Variants in PPP6C observed in about 807,000 individuals in gnomAD.
PPP6C encodes the protein serine/threonine-protein phosphatase 6 catalytic subunit.
A neutral mutation model predicts 39.8 loss-of-function variants in PPP6C; 11 were observed. The ratio of observed to expected loss-of-function variants is 0.28; its 90% CI spans 0.17 to 0.46. The LOEUF is 0.46. PPP6C is among the 20% of genes least tolerant of loss of function. PPP6C has a pLI of 1.00. For synonymous variants in PPP6C, 129 were observed against 130.3 expected (o/e 0.99, Z 0.07); for missense variants, 211 against 373.9 (o/e 0.56, Z 3.59).
At chr9:125,162,350 T>G (rs535383326) in intron 2 of PPP6C, among the ~76,000 whole-genome samples, 1 of 146,186 alleles carries the variant, frequency 6.8e-6, no homozygotes, top group Non-Finnish European at 1.5e-5. Context: ...CCCAGCTACC[T>G]GGGAGGCTGA....
chr9:125,151,203 G>A (rs1466873557), intron 6 of PPP6C: 29 of 1,502,060 alleles, frequency 1.9e-5, no homozygotes, highest in Non-Finnish European at 3.7e-6. Context: ...GGCTGAATGT[G>A]GACTTTGCCT....
At position 125,189,756 on chromosome 9, in the gene PPP6C, G is replaced by T. The variant is rs372110106; in HGVS notation, c.-38C>A. 1.6e-5 allele frequency: 24 copies of T among 1,545,976 alleles called. No individual in the cohort carries two copies. In the African/African-American group the frequency reaches 2.7e-4, roughly 17 times the overall value. On this transcript the variant is annotated 5_prime_UTR_variant, in exon 1 of 7. Coordinates refer to ENST00000373547, the MANE Select transcript of PPP6C (RefSeq NM_002721.5). ...AAGCCGCGGCAACAGCGGCGGCGGCGGCTGTAGCAGCGGCGGCGGCAGCGG... is the reference window on the plus strand; with the variant it reads ...AAGCCGCGGCAACAGCGGCGGCGGCTGCTGTAGCAGCGGCGGCGGCAGCGG...
chr9:125,189,529 G>A (rs535756406), intron 1 of PPP6C, 115 bp downstream of exon 1: 4 of 1,528,114 alleles, frequency 2.6e-6, no homozygotes, highest in East Asian at 4.8e-5. Context: ...ACTGGCAATG[G>A]GGGAGGCCCT....
At chr9:125,169,733 C>T (rs1829101105) in intron 2 of PPP6C, among the ~76,000 whole-genome samples, 1 of 152,090 alleles carries the variant, frequency 6.6e-6, no homozygotes, top group Admixed American at 6.6e-5. Flanking sequence ...AGAGAAGTTA[C>T]ATGGAAATTT....
chr9:125,188,981 G>A (rs1361131330), intron 1 of PPP6C: 1 of 1,508,810 alleles, frequency 6.6e-7, no homozygotes, highest in African/African-American at 1.4e-5. Flanking sequence ...GAAAGTATTT[G>A]TATTTATTGA....
At chr9:125,174,273 A>G (rs1466560230) in intron 1 of PPP6C, among the ~76,000 whole-genome samples, 1 of 152,178 alleles carries the variant, frequency 6.6e-6, no homozygotes, top group East Asian at 1.9e-4. Context: ...TTACAGCTAC[A>G]ACAATAGCTA....
rs7851023 is a variant in PPP6C, at chr9:125,164,973, G to A, written c.172-4067C>T. ...AGGATGGTCTTGATCTCTTGACCTCGTGATCCGCCCGCCTCGGCCTCCCAC... is the reference window on the plus strand; with the variant it reads ...AGGATGGTCTTGATCTCTTGACCTCATGATCCGCCCGCCTCGGCCTCCCAC... On this transcript the variant is annotated intron_variant, in intron 2 of 6. Coordinates refer to ENST00000373547, the MANE Select transcript of PPP6C (RefSeq NM_002721.5). 9.5e-3 allele frequency among the ~76,000 whole-genome samples: 1,441 copies of A among 152,050 alleles called. 21 individuals are homozygous for A. Among genetic ancestry groups the A allele is most frequent in the African/African-American group, 0.033 (1,356 of 41,512 alleles).
chr9:125,176,545 T>A (rs1451056020), intron 1 of PPP6C, among the ~76,000 whole-genome samples: 1 of 152,258 alleles, frequency 6.6e-6, no homozygotes, highest in South Asian at 2.1e-4. Flanking sequence ...AAGTCCCAGA[T>A]ACTTGGAAGG....
At position 125,153,983 on chromosome 9, in the gene PPP6C, C is replaced by G. The variant is rs1836010519; in HGVS notation, c.382G>C (p.Glu128Gln). ...GCATTTCCATATTTGGTTTGGCACT[C>G]ATCTGTGAAAGAAACAGAAGGGTTT... ...QITQVYGFYD[E>Q]CQTKYGNANA... Residue 128 changes from glutamate (E) to glutamine (Q), a missense_variant and splice_region_variant, in exon 5 of 7, where the codon GAG (glutamate) becomes CAG (glutamine). Glu to Gln is a conservative substitution (Grantham distance 29). Around this residue, in one of 2 missense-constraint regions of PPP6C, gnomAD observed 168 missense variants for 342.6 expected, o/e 0.49. Coordinates refer to ENST00000373547, the MANE Select transcript of PPP6C (RefSeq NM_002721.5). 1 of 1,602,738 alleles carries G rather than the reference C, an allele frequency of 6.2e-7. No individual in the cohort carries two copies. The highest frequency in any genetic ancestry group is 8.5e-7 in the Non-Finnish European group (1 of 1,170,398).
At chr9:125,154,873 G>T (rs571405108) in intron 4 of PPP6C, among the ~76,000 whole-genome samples, 2 of 152,216 alleles carry the variant, frequency 1.3e-5, no homozygotes, top group Non-Finnish European at 2.9e-5. Context: ...ATTCTCAGTT[G>T]AACACTCTTT....
chr9:125,161,037 T>C (rs867148829), intron 2 of PPP6C, 131 bp from the exon 3 acceptor site: 12 of 515,806 alleles, frequency 2.3e-5, no homozygotes, highest in Middle Eastern at 4.6e-4. Context: ...AAATAAAGTG[T>C]AAGCCAAACT....
chr9:125,151,055 T>C (rs577497733), intron 6 of PPP6C: 2 of 1,357,142 alleles, frequency 1.5e-6, no homozygotes, highest in African/African-American at 2.9e-5. Flanking sequence ...CAGGGCTTTT[T>C]TGATAACCCA....
chr9:125,166,278 C>G lies in PPP6C; in HGVS notation c.171+4807G>C, dbSNP rs537993702. Reference sequence around the variant, plus strand: ...TTTAAGTGTCGGAAACTGTTAGCCCCATAGTGGTGGACTCAGATTTTCCAA... The same window carrying G: ...TTTAAGTGTCGGAAACTGTTAGCCCGATAGTGGTGGACTCAGATTTTCCAA... On this transcript the variant is annotated intron_variant, in intron 2 of 6. Transcript: ENST00000373547. 8.5e-5 allele frequency among the ~76,000 whole-genome samples: 13 copies of G among 152,268 alleles called. No homozygotes were observed. In the South Asian group the frequency reaches 2.5e-3, roughly 29 times the overall value.
chr9:125,187,388 C>T (rs1184136981), intron 1 of PPP6C, among the ~76,000 whole-genome samples: 1 of 151,432 alleles, frequency 6.6e-6, no homozygotes, highest in Non-Finnish European at 1.5e-5. Flanking sequence ...AGCCATTCTC[C>T]CTGCCTCAGC....
intron 3 of PPP6C, among the ~76,000 whole-genome samples, chr9:125,158,890 TC>T (rs1836150381): frequency 1.3e-5 from 2 of 151,906 alleles, no homozygotes; most frequent in Non-Finnish European, 1.5e-5. Context: ...GGTCTCAAAC[TC>T]CTGACCTTGT....
At chr9:125,158,525 AAAAT>A (rs1198309549) in intron 3 of PPP6C, 143 bp from the exon 4 acceptor site, 5 of 845,254 alleles carry the variant, frequency 5.9e-6, no homozygotes, top group Non-Finnish European at 8.2e-6. Context: ...TTTTAACAAA[AAAAT>A]AAAATACACG....
At chr9:125,162,384 G>A (rs1828896386) in intron 2 of PPP6C, among the ~76,000 whole-genome samples, 1 of 148,866 alleles carries the variant, frequency 6.7e-6, no homozygotes, top group African/African-American at 2.5e-5. Flanking sequence ...CTTGAGCCCA[G>A]GAGGTAGAGG....
rs906649777 is a variant in PPP6C at position 125,158,539 on chromosome 9, G to A, written c.238-157C>T. Among the ~76,000 whole-genome samples, 7 of 151,626 alleles carry A rather than the reference G, an allele frequency of 4.6e-5. No individual in the cohort carries two copies. In the South Asian group the frequency reaches 6.2e-4, roughly 14 times the overall value. ...ATTTTAACAAAAAAATAAAATACAC[G>A]TAAACAAATTTTTTCTATTAAATGT... is the stretch of plus-strand genomic sequence containing the variant. On this transcript the variant is annotated intron_variant, in intron 3 of 6. Transcript: ENST00000373547.
In PPP6C at chr9:125,185,548, G is replaced by C. The variant is rs540318893; in HGVS notation, c.75+4096C>G. Among the ~76,000 whole-genome samples, 228 of 151,404 alleles carry C rather than the reference G, an allele frequency of 1.5e-3. 3 individuals are homozygous for C. Among genetic ancestry groups the C allele is most frequent in the Non-Finnish European group, 2.3e-3 (153 of 67,946 alleles). On this transcript the variant is annotated intron_variant, in intron 1 of 6. Transcript: ENST00000373547. Reference sequence around the variant, plus strand: ...ATCTCTACTAAAAATACAAAAATTAGCCAGGAGTGGTGGTGGGTGCCTGTA... The same window carrying C: ...ATCTCTACTAAAAATACAAAAATTACCCAGGAGTGGTGGTGGGTGCCTGTA...
Sources: allele counts gnomAD v4.1 joint callset (sites outside exome capture counted in the v4.1 genomes callset), GRCh38; gene constraint gnomAD v4.1.1; regional missense constraint gnomAD v4.1.1; transcripts MANE v1.5; gene names NCBI Gene and HGNC (gene_info 2026-07-23, HGNC 2026-07-21).